Variants in TMEM175 observed in about 807,000 individuals in gnomAD.
TMEM175 encodes the protein transmembrane protein 175, also known as endosomal/lysosomal proton channel TMEM175.
A neutral mutation model predicts 36.5 loss-of-function variants in TMEM175; 36 were observed. That is an observed-to-expected ratio of 0.99 (90% CI 0.76 to 1.30). The LOEUF is 1.30. Among genes scored for constraint, TMEM175 ranks in the 50% most tolerant of loss-of-function variants. The pLI, the probability that TMEM175 is intolerant of heterozygous loss-of-function variation, is 0.00. For synonymous variants in TMEM175, 339 were observed against 313.4 expected, an observed-to-expected ratio of 1.08 and a Z score of -0.86; for missense variants, 705 against 692.8, an observed-to-expected ratio of 1.02 and a Z score of -0.20.
Position 955,552 on chromosome 4 carries a change from A to G in TMEM175, c.706+69A>G, listed in dbSNP as rs1577447216. ...GCCCACCTCCGTGCGGCTGCTCCGC[A>G]CTGAGGGCTGTCCGTGGGCCGAGGC... On this transcript the variant is annotated intron_variant, in intron 9 of 10. Coordinates refer to ENST00000264771, the MANE Select transcript of TMEM175 (RefSeq NM_032326.4). The G allele has an allele frequency of 2.7e-5, 42 of 1,535,170 alleles. No homozygotes were observed. The East Asian group carries it at 9.6e-4, about 35-fold the overall frequency.
Position 957,945 on chromosome 4 carries a change from C to T in TMEM175, c.964C>T (p.Leu322=). 1.2e-6 allele frequency: 2 copies of T among 1,612,862 alleles called. No individual in the cohort carries two copies. Among genetic ancestry groups the T allele is most frequent in the Non-Finnish European group, 1.7e-6 (2 of 1,179,962 alleles). ...CTTCGGCTCCTTCGCCACAGTGGGA[C>T]TGCTGTGGTTCGCCCACCACTCACT... ...AYFGSFATVG[L]LWFAHHSLFL... The change falls in exon 11 of 11, where the codon CTG becomes TTG. Residue 322 remains leucine (L), a synonymous_variant. Coordinates refer to ENST00000264771, the MANE Select transcript of TMEM175 (RefSeq NM_032326.4).
chr4:939,815 C>T (rs1701369527), intron 1 of TMEM175, among the ~76,000 whole-genome samples: 1 of 152,184 alleles, frequency 6.6e-6, no homozygotes, highest in African/African-American at 2.4e-5. Flanking sequence ...CTATAAAACT[C>T]ATGGAAGAAA....
At chr4:936,641 C>T (rs189866549) in intron 1 of TMEM175, among the ~76,000 whole-genome samples, 2 of 152,304 alleles carry the variant, frequency 1.3e-5, no homozygotes, top group East Asian at 3.9e-4. Flanking sequence ...AAAGCACAAA[C>T]CACTTAAGCT....
Position 947,342 on chromosome 4 carries a change from A to G in TMEM175, c.-31-367A>G, listed in dbSNP as rs573944629. On this transcript the variant is annotated intron_variant, in intron 1 of 10. Coordinates refer to ENST00000264771, the MANE Select transcript of TMEM175 (RefSeq NM_032326.4). ...AGAGAACAGACAGCCCCAGGCACGC[A>G]TGCACGGTCAAGGGCCCCGCAGGGT... Among the ~76,000 whole-genome samples, 9 of 151,806 alleles carry G rather than the reference A, an allele frequency of 5.9e-5. No homozygotes were observed. The South Asian group carries it at 8.3e-4, about 14-fold the overall frequency.
chr4:955,006 G>A (rs1463176104), intron 8 of TMEM175, among the ~76,000 whole-genome samples: 4 of 152,090 alleles, frequency 2.6e-5, no homozygotes, highest in African/African-American at 4.8e-5. Context: ...TTTAAGACAC[G>A]GTCTTGCTCT....
chr4:952,321 G>C (rs1307659707), intron 6 of TMEM175, 46 bp from the exon 7 acceptor site: 1 of 1,572,894 alleles, frequency 6.4e-7, no homozygotes, highest in South Asian at 1.1e-5. Context: ...CTGGGGCCTG[G>C]TAACCTAGGA....
At position 951,182 on chromosome 4, in the gene TMEM175, T is replaced by C. The variant is rs767406523; in HGVS notation, c.291-25T>C. 3.7e-5 allele frequency: 60 copies of C among 1,612,690 alleles called. No individual in the cohort carries two copies. In the Admixed American group the frequency reaches 9.0e-4, roughly 24 times the overall value. On this transcript the variant is annotated intron_variant, in intron 4 of 10. Transcript: ENST00000264771. ...ATGTTACTACAACCGCGTTTTATTG[T>C]CTATCTTTTTCTTAAATGGTTTAGG...
chr4:955,696 G>T (rs966216807), intron 9 of TMEM175, 59 bp from the exon 10 acceptor site: 13 of 1,586,962 alleles, frequency 8.2e-6, no homozygotes, highest in Admixed American at 1.7e-5. Flanking sequence ...TGACAGCCAC[G>T]CGGGCTCTAC....
At chr4:951,872 T>C (rs1728933188) in intron 6 of TMEM175, 155 bp downstream of exon 6, 9 of 803,540 alleles carry the variant, frequency 1.1e-5, no homozygotes, top group South Asian at 1.7e-5. Context: ...TGTTGGGCTG[T>C]TGGGGGCTTC....
chr4:951,496 G>A (rs1447839785), intron 5 of TMEM175, 186 bp from the exon 6 acceptor site: 11 of 825,782 alleles, frequency 1.3e-5, no homozygotes, highest in Non-Finnish European at 1.9e-5. Flanking sequence ...TTGGGCACAG[G>A]TGTAGGGGAC....
intron 2 of TMEM175, 102 bp downstream of exon 2, chr4:947,994 C>T (rs749984699): frequency 6.8e-5 from 109 of 1,609,072 alleles, no homozygotes; most frequent in Non-Finnish European, 8.8e-5. Flanking sequence ...ATCCTTGGGT[C>T]CCCCAGCTCC....
intron 1 of TMEM175, among the ~76,000 whole-genome samples, chr4:936,961 A>G (rs1421357788): frequency 1.3e-5 from 2 of 152,172 alleles, no homozygotes; most frequent in East Asian, 3.8e-4. Flanking sequence ...GTCTCAAAAA[A>G]AAAAAGAGAA....
rs897222228 is a variant in TMEM175, at chr4:932,811, T to C, written c.-32+271T>C. On this transcript the variant is annotated intron_variant, in intron 1 of 10. Transcript: ENST00000264771. This position sits in a 1 kb window ranked among gnomAD's most constrained non-coding sequence, Gnocchi z 4.0. ...GGAGTTTCCTGTGACGCTTAGTGAG[T>C]AAGGTTGGCAGCCCCCTCCCAGCAG... Among the ~76,000 whole-genome samples the C allele has an allele frequency of 2.6e-5, 4 of 152,188 alleles. No homozygotes were observed. Among genetic ancestry groups the C allele is most frequent in the African/African-American group, 9.6e-5 (4 of 41,452 alleles).
chr4:949,903 G>A (rs1010608782), intron 3 of TMEM175, among the ~76,000 whole-genome samples: 3 of 152,148 alleles, frequency 2.0e-5, no homozygotes, highest in South Asian at 2.1e-4. Flanking sequence ...CATGCCGGAC[G>A]CCTCACAGGG....
intron 10 of TMEM175, 43 bp downstream of exon 10, chr4:955,933 T>G: frequency 6.2e-7 from 1 of 1,601,968 alleles, no homozygotes; most frequent in Non-Finnish European, 8.5e-7. Context: ...AGGTGGCCAA[T>G]GTGTCTTGAG....
intron 9 of TMEM175, 45 bp from the exon 10 acceptor site, chr4:955,710 C>G (rs759478353): frequency 6.2e-7 from 1 of 1,600,568 alleles, no homozygotes; most frequent in East Asian, 2.2e-5. Context: ...GCTCTACCTC[C>G]ACATGGGGGG....
At position 955,740 on chromosome 4, in the gene TMEM175, C is replaced by T. The variant is rs1729534234; in HGVS notation, c.707-15C>T. Reference sequence around the variant, plus strand: ...GGGGGGTTTGGCCAGCTCCACCCTCCTGGCGTGTCCCCAGGCCACAGGGAG... The same window carrying T: ...GGGGGGTTTGGCCAGCTCCACCCTCTTGGCGTGTCCCCAGGCCACAGGGAG... On this transcript the variant is annotated splice_polypyrimidine_tract_variant and intron_variant, in intron 9 of 10. Coordinates refer to ENST00000264771, the MANE Select transcript of TMEM175 (RefSeq NM_032326.4). 4 of 1,611,878 alleles carry T rather than the reference C, an allele frequency of 2.5e-6. No homozygotes were observed. The African/African-American group carries it at 4.0e-5, about 16-fold the overall frequency.
chr4:957,719 A>G (rs1191769184), intron 10 of TMEM175, 105 bp from the exon 11 acceptor site: 1 of 1,168,046 alleles, frequency 8.6e-7, no homozygotes, highest in African/African-American at 1.5e-5. Flanking sequence ...GGTTCATCTG[A>G]AAACGTGCCA....
chr4:934,896 T>C (rs935965), intron 1 of TMEM175, among the ~76,000 whole-genome samples: 105,606 of 152,140 alleles, frequency 0.69, 36,875 homozygotes, highest in South Asian at 0.85. Flanking sequence ...GCTGCAGTTG[T>C]AGGTGACCTT....
Sources: allele counts gnomAD v4.1 joint callset (sites outside exome capture counted in the v4.1 genomes callset), GRCh38; gene constraint gnomAD v4.1.1; non-coding constraint Gnocchi (gnomAD v3.1); transcripts MANE v1.5; gene names NCBI Gene and HGNC (gene_info 2026-07-23, HGNC 2026-07-21).